EIF3E: variants seen among roughly 807,000 people sequenced by gnomAD.
The protein encoded by EIF3E is eukaryotic translation initiation factor 3 subunit E, also known as eIF-3 p48.
Under a neutral mutation model 59.3 loss-of-function variants are expected in EIF3E, and 25 were observed. The ratio of observed to expected loss-of-function variants is 0.42; its 90% CI spans 0.31 to 0.59. The LOEUF is 0.59. EIF3E is among the 20% of genes least tolerant of loss of function. The pLI is 0.15. For missense variants in EIF3E, 317 were observed against 534.3 expected, an observed-to-expected ratio of 0.59 and a Z score of 4.01; for synonymous variants, 176 against 170.2, an observed-to-expected ratio of 1.03 and a Z score of -0.26.
chr8:108,239,449 G>T (rs1269090067), intron 3 of EIF3E, among the ~76,000 whole-genome samples: 1 of 152,136 alleles, frequency 6.6e-6, no homozygotes. Flanking sequence ...GGATTCACTT[G>T]CCTCCACCTC....
intron 7 of EIF3E, among the ~76,000 whole-genome samples, chr8:108,222,887 T>G (rs1221075755): frequency 6.6e-6 from 1 of 151,414 alleles, no homozygotes; most frequent in Non-Finnish European, 1.5e-5. Context: ...GAAGTGAAAT[T>G]TCAAGCTAGG....
At position 108,229,088 on chromosome 8, in the gene EIF3E, T is replaced by C; in HGVS notation, c.579A>G (p.Lys193=). The C allele has an allele frequency of 6.2e-7, 1 of 1,610,042 alleles. No individual in the cohort carries two copies. Among genetic ancestry groups the C allele is most frequent in the Non-Finnish European group, 8.5e-7 (1 of 1,178,172 alleles). Residue 193 remains lysine, a synonymous_variant, in exon 6 of 13, where the codon AAA becomes AAG. Transcript: ENST00000220849. ...AACTCACATTATTATCTATGGTCTC[T>C]TTTAACCGTGTAAGGTCTTCCATGG... ...DAAMEDLTRL[K]ETIDNNSVSS... is the part of the protein sequence containing the mutation.
chr8:108,209,100 G>GAAAC (rs1317878072), intron 10 of EIF3E, among the ~76,000 whole-genome samples: 2 of 151,780 alleles, frequency 1.3e-5, no homozygotes, highest in African/African-American at 4.8e-5. Flanking sequence ...ATTACAAATA[G>GAAAC]AGTTATTTAA....
intron 7 of EIF3E, among the ~76,000 whole-genome samples, chr8:108,223,838 G>A (rs890292257): frequency 2.6e-5 from 4 of 151,228 alleles, no homozygotes; most frequent in South Asian, 2.1e-4. Context: ...TATATGTGAT[G>A]TAAGAGACTT....
chr8:108,217,456 G>T lies in EIF3E; in HGVS notation c.727C>A (p.Leu243Ile). Residue 243 changes from leucine (L) to isoleucine (I), a missense_variant, in exon 8 of 13, where the codon CTT (leucine) becomes ATT (isoleucine). By Grantham distance (5) the Leu-to-Ile change is conservative. This residue lies in a region of EIF3E where 242 missense variants were observed against 398.0 expected (regional missense o/e 0.61). Transcript: ENST00000220849. ...GGACACATTGTCTGAATTGCATTAA[G>T]ATATCTAAGAAAAAATATAAAAGTT... ...IDLFLYQPQYLNAIQTMCPHI... is the reference protein window; with the variant it reads ...IDLFLYQPQYINAIQTMCPHI... The T allele has an allele frequency of 6.3e-7, 1 of 1,590,280 alleles. No homozygotes were observed.
intron 7 of EIF3E, among the ~76,000 whole-genome samples, chr8:108,224,902 A>G (rs1199613248): frequency 6.6e-6 from 1 of 151,588 alleles, no homozygotes; most frequent in African/African-American, 2.4e-5. Context: ...GCAGTTTTAA[A>G]AAACACACAA....
intron 1 of EIF3E, chr8:108,242,335 T>A (rs1245161958): frequency 3.1e-6 from 4 of 1,289,630 alleles, no homozygotes; most frequent in Non-Finnish European, 4.0e-6. Flanking sequence ...CCATCCACAT[T>A]GCTGAAACAA....
chr8:108,208,914 T>C (rs552880018), intron 10 of EIF3E, among the ~76,000 whole-genome samples: 1 of 152,118 alleles, frequency 6.6e-6, no homozygotes, highest in Non-Finnish European at 1.5e-5. Context: ...AACACAGTAA[T>C]CTTTTTTGAC....
intron 3 of EIF3E, among the ~76,000 whole-genome samples, chr8:108,239,100 G>A (rs1310826427): frequency 2.6e-5 from 4 of 152,094 alleles, no homozygotes; most frequent in Non-Finnish European, 4.4e-5. Context: ...ATGTAGCCAG[G>A]GATAAAGTGA....
intron 2 of EIF3E, among the ~76,000 whole-genome samples, chr8:108,240,560 C>A (rs1185382171): frequency 6.6e-6 from 1 of 152,230 alleles, no homozygotes; most frequent in Admixed American, 6.5e-5. Flanking sequence ...TAAATAATCT[C>A]TTTTAACCAC....
At chr8:108,212,709 C>T (rs190185730) in intron 10 of EIF3E, among the ~76,000 whole-genome samples, 63 of 151,970 alleles carry the variant, frequency 4.1e-4, no homozygotes, top group African/African-American at 1.4e-3. Flanking sequence ...GGCTGAGGCA[C>T]GAGAATCTCT....
intron 7 of EIF3E, among the ~76,000 whole-genome samples, chr8:108,225,725 C>T (rs918872793): frequency 6.6e-6 from 1 of 151,474 alleles, no homozygotes; most frequent in African/African-American, 2.5e-5. Flanking sequence ...TCTTTTCCAA[C>T]TACATGTGTG....
chr8:108,202,559 A>G (rs2129831992), intron 12 of EIF3E, among the ~76,000 whole-genome samples: 1 of 152,216 alleles, frequency 6.6e-6, no homozygotes, highest in African/African-American at 2.4e-5. Flanking sequence ...TGAAATTTGT[A>G]TAAGATCAGC....
Position 108,201,765 on chromosome 8 carries a change from A to T in EIF3E, c.*120T>A, listed in dbSNP as rs571274323. 49 of 820,496 alleles carry T rather than the reference A, an allele frequency of 6.0e-5. No homozygotes were observed. The South Asian group carries it at 1.7e-3, about 29-fold the overall frequency. 50.8% of individuals were successfully genotyped at this position (820,496 alleles called of 1,614,324 possible). ...AGATAAAATGAATCAATTTTATTCC[A>T]ATTCTTCAAAATTTATACGTAATAT... is the stretch of plus-strand genomic sequence containing the variant. On this transcript the variant is annotated 3_prime_UTR_variant, in exon 13 of 13. Coordinates refer to ENST00000220849, the MANE Select transcript of EIF3E (RefSeq NM_001568.3).
intron 7 of EIF3E, among the ~76,000 whole-genome samples, chr8:108,223,243 CAGAT>C (rs1324856634): frequency 6.6e-6 from 1 of 152,036 alleles, no homozygotes; most frequent in African/African-American, 2.4e-5. Context: ...ACCTTAAAAA[CAGAT>C]AGGTTTTGGA....
intron 1 of EIF3E, among the ~76,000 whole-genome samples, chr8:108,248,031 G>C (rs1270723458): frequency 5.0e-5 from 7 of 140,306 alleles, no homozygotes; most frequent in Non-Finnish European, 9.4e-5. Context: ...TTTCTGGGGG[G>C]GGGGGCGGGG....
intron 7 of EIF3E, among the ~76,000 whole-genome samples, chr8:108,223,739 T>C (rs1407731772): frequency 1.4e-5 from 2 of 146,630 alleles, no homozygotes; most frequent in Non-Finnish European, 2.9e-5. Context: ...TTATCTTATA[T>C]ATTATGTTAC....
intron 1 of EIF3E, chr8:108,242,498 A>T: frequency 1.7e-6 from 2 of 1,193,894 alleles, no homozygotes; most frequent in Non-Finnish European, 2.1e-6. Context: ...ATATGTAAAG[A>T]TTCTACAAAA....
chr8:108,206,798 G>C (rs1815111655), intron 10 of EIF3E, among the ~76,000 whole-genome samples: 1 of 151,990 alleles, frequency 6.6e-6, no homozygotes, highest in African/African-American at 2.4e-5. Flanking sequence ...ACAAGATCCT[G>C]TGTCTTTATA....
Sources: gnomAD v4.1 joint callset for allele counts (sites outside exome capture counted in the v4.1 genomes callset) on GRCh38, gnomAD v4.1.1 for gene constraint, gnomAD v4.1.1 regional missense constraint, MANE v1.5 for transcripts, NCBI Gene and HGNC (gene_info 2026-07-23, HGNC 2026-07-21) for gene names.